IL1RAPL2: variants seen among roughly 807,000 people sequenced by gnomAD.
The protein encoded by IL1RAPL2 is interleukin 1 receptor accessory protein like 2, also known as X-linked interleukin-1 receptor accessory protein-like 2.
A neutral mutation model predicts 44.1 loss-of-function variants in IL1RAPL2; 3 were observed. The observed-to-expected ratio is 0.07, with a 90% CI of 0.03 to 0.18. The LOEUF is 0.18. IL1RAPL2 is among the 10% of genes least tolerant of loss of function. The pLI, the probability that IL1RAPL2 is intolerant of heterozygous loss-of-function variation, is 1.00. For missense variants in IL1RAPL2, 391 were observed against 496.4 expected, an observed-to-expected ratio of 0.79 and a Z score of 2.02; for synonymous variants, 181 against 178.8, an observed-to-expected ratio of 1.01 and a Z score of -0.10.
At chrX:104,582,748 C>CTTT in intron 1 of IL1RAPL2, among the ~76,000 whole-genome samples, 3 of 92,146 alleles carry the variant, frequency 3.3e-5, no homozygotes, top group Admixed American at 1.2e-4. Context: ...TTCCTTCCTT[C>CTTT]CTTCTTTCTT....
intron 6 of IL1RAPL2, among the ~76,000 whole-genome samples, chrX:105,690,034 CG>C (rs1393070630): frequency 6.3e-5 from 7 of 110,344 alleles, no homozygotes; most frequent in African/African-American, 2.3e-4. Flanking sequence ...CACTTGGACA[CG>C]GGTCAGGGAA....
At chrX:104,960,861 C>G (rs1007547011) in intron 2 of IL1RAPL2, among the ~76,000 whole-genome samples, 1 of 111,561 alleles carries the variant, frequency 9.0e-6, no homozygotes, top group Non-Finnish European at 1.9e-5. Context: ...AACACCAAAT[C>G]GTAGACTAGG....
intron 2 of IL1RAPL2, among the ~76,000 whole-genome samples, chrX:105,033,607 T>G (rs191861209): frequency 2.7e-5 from 3 of 111,874 alleles, no homozygotes; most frequent in Admixed American, 9.5e-5. Flanking sequence ...TTAGTCTGAT[T>G]GGCTTCCCTT....
At chrX:105,204,157 A>G (rs2033741300) in intron 3 of IL1RAPL2, among the ~76,000 whole-genome samples, 1 of 110,952 alleles carries the variant, frequency 9.0e-6, no homozygotes, top group South Asian at 3.9e-4. Context: ...AAGATAGATT[A>G]AAGGAAACCC....
At position 105,512,859 on chromosome X, in the gene IL1RAPL2, T is replaced by A. The variant is rs183008599; in HGVS notation, c.772+28472T>A. On this transcript the variant is annotated intron_variant, in intron 6 of 10. Transcript: ENST00000372582. ...TAGGTATACATGTGCCATGGTGGTTTGCTGCACACATCAACCCATCACCTA... is the reference window on the plus strand; with the variant it reads ...TAGGTATACATGTGCCATGGTGGTTAGCTGCACACATCAACCCATCACCTA... Among the ~76,000 whole-genome samples the A allele has an allele frequency of 1.4e-3, 151 of 111,006 alleles. 1 individual carries two copies. The highest frequency in any genetic ancestry group is 4.6e-3 in the African/African-American group (141 of 30,496).
chrX:105,720,490 A>G (rs929523717), intron 7 of IL1RAPL2, among the ~76,000 whole-genome samples: 2 of 111,115 alleles, frequency 1.8e-5, no homozygotes, highest in African/African-American at 6.5e-5. Context: ...ATGTAGCACA[A>G]TTATTTTGAG....
intron 2 of IL1RAPL2, among the ~76,000 whole-genome samples, chrX:105,193,847 G>T (rs980463839): frequency 9.0e-6 from 1 of 111,698 alleles, no homozygotes; most frequent in Admixed American, 9.6e-5. Flanking sequence ...TTTAAAGGGA[G>T]TTATTTATTT....
chrX:104,929,241 C>G, intron 2 of IL1RAPL2, among the ~76,000 whole-genome samples: 1 of 111,540 alleles, frequency 9.0e-6, no homozygotes, highest in Non-Finnish European at 1.9e-5. Flanking sequence ...ACAATTTGGA[C>G]CCCATCAAGA....
chrX:104,778,772 A>G (rs73635159), intron 2 of IL1RAPL2, among the ~76,000 whole-genome samples: 5,778 of 109,669 alleles, frequency 0.053, 400 homozygotes, highest in African/African-American at 0.18. Context: ...CTAAGCAGGT[A>G]GACTGGGGCT....
At chrX:105,309,638 A>G (rs1341984827) in intron 5 of IL1RAPL2, among the ~76,000 whole-genome samples, 5 of 108,846 alleles carry the variant, frequency 4.6e-5, no homozygotes, top group Admixed American at 3.0e-4. Flanking sequence ...AGGCTGAGGC[A>G]GGAGAATTGC....
chrX:105,615,206 A>G (rs562408712), intron 6 of IL1RAPL2, among the ~76,000 whole-genome samples: 1 of 111,734 alleles, frequency 8.9e-6, no homozygotes, highest in African/African-American at 3.2e-5. Flanking sequence ...CACGGAGGAA[A>G]AGGAACTCTC....
intron 6 of IL1RAPL2, among the ~76,000 whole-genome samples, chrX:105,665,839 T>G (rs1369844856): frequency 1.9e-5 from 2 of 105,706 alleles, no homozygotes; most frequent in African/African-American, 7.0e-5. Flanking sequence ...CTCGGCTCAC[T>G]GCAAGCTCTG....
At chrX:105,714,570 G>A (rs1186426614) in intron 6 of IL1RAPL2, among the ~76,000 whole-genome samples, 2 of 111,903 alleles carry the variant, frequency 1.8e-5, no homozygotes, top group Non-Finnish European at 3.8e-5. Context: ...GTTGGCATTA[G>A]GTGAGGGTCA....
chrX:105,189,445 C>T (rs898082992), intron 2 of IL1RAPL2, among the ~76,000 whole-genome samples: 2 of 111,813 alleles, frequency 1.8e-5, no homozygotes, highest in Admixed American at 9.5e-5. Context: ...TGGCCAGACT[C>T]GTCTCGTACT....
intron 5 of IL1RAPL2, among the ~76,000 whole-genome samples, chrX:105,464,156 A>G (rs1008764119): frequency 1.8e-5 from 2 of 112,425 alleles, no homozygotes; most frequent in African/African-American, 6.4e-5. Context: ...TAAACATTAT[A>G]AATTGGACCA....
At chrX:105,304,930 T>G (rs1212147472) in intron 5 of IL1RAPL2, among the ~76,000 whole-genome samples, 1 of 111,561 alleles carries the variant, frequency 9.0e-6, no homozygotes, top group Non-Finnish European at 1.9e-5. Context: ...CATGATGGCT[T>G]CTGGGGAGGC....
intron 4 of IL1RAPL2, among the ~76,000 whole-genome samples, chrX:105,256,549 G>A (rs1382094660): frequency 3.6e-5 from 4 of 110,281 alleles, no homozygotes; most frequent in Non-Finnish European, 7.6e-5. Flanking sequence ...GACTGTTCTC[G>A]AACTCCTGAG....
At chrX:105,444,842 G>A (rs958637539) in intron 5 of IL1RAPL2, among the ~76,000 whole-genome samples, 8 of 110,435 alleles carry the variant, frequency 7.2e-5, no homozygotes, top group Non-Finnish European at 1.1e-4. Flanking sequence ...CATATATATT[G>A]GCCTGCAGGT....
Position 105,204,970 on chromosome X carries a change from A to G in IL1RAPL2, c.356+9222A>G, listed in dbSNP as rs192521394. On this transcript the variant is annotated intron_variant, in intron 3 of 10. Coordinates refer to ENST00000372582, the MANE Select transcript of IL1RAPL2 (RefSeq NM_017416.2). The stretch of plus-strand genomic sequence containing the variant: ...TGAACACTTGAATTAGGTGTTGAGT[A>G]AATGCATTGAATGAGAGATTAAAGT... Among the ~76,000 whole-genome samples the G allele has an allele frequency of 6.7e-3, 746 of 111,935 alleles. 9 individuals carry two copies. The highest frequency in any genetic ancestry group is 0.023 in the African/African-American group (714 of 30,808).
Sources: allele counts gnomAD v4.1 joint callset (sites outside exome capture counted in the v4.1 genomes callset), GRCh38; gene constraint gnomAD v4.1.1; transcripts MANE v1.5; gene names NCBI Gene and HGNC (gene_info 2026-07-23, HGNC 2026-07-21).